SCHIP1: variants seen among roughly 807,000 people sequenced by gnomAD.
SCHIP1 encodes schwannomin-interacting protein 1.
In SCHIP1, 8 loss-of-function variants were observed where a neutral mutation model predicts 29.7. The observed-to-expected ratio is 0.27, with a 90% CI of 0.16 to 0.49. SCHIP1 has a LOEUF of 0.49. SCHIP1 is among the 20% of genes least tolerant of loss of function. The pLI is 0.99. For missense variants in SCHIP1, 193 were observed against 294.6 expected, an observed-to-expected ratio of 0.66 and a Z score of 2.52; for synonymous variants, 76 against 94.9, an observed-to-expected ratio of 0.80 and a Z score of 1.16.
the SCHIP1 span, among the ~76,000 whole-genome samples, chr3:159,783,479 A>C: frequency 2.6e-4 from 39 of 152,360 alleles, no homozygotes; most frequent in Admixed American, 2.4e-3. Flanking sequence ...CTGAGTCTGC[A>C]CTTCATTTGT....
the SCHIP1 span, among the ~76,000 whole-genome samples, chr3:159,535,448 G>C: frequency 2.4e-4 from 36 of 152,294 alleles, 4 homozygotes; most frequent in South Asian, 5.2e-3. Flanking sequence ...CATCAGCCTT[G>C]AGGGCTGGTC....
At chr3:159,390,731 A>G in the SCHIP1 span, among the ~76,000 whole-genome samples, 1 of 152,184 alleles carries the variant, frequency 6.6e-6, no homozygotes, top group Non-Finnish European at 1.5e-5. Flanking sequence ...TGTTCTATCC[A>G]TTTGGCCACA....
At chr3:159,537,623 T>C in the SCHIP1 span, among the ~76,000 whole-genome samples, 1 of 152,164 alleles carries the variant, frequency 6.6e-6, no homozygotes, top group Non-Finnish European at 1.5e-5. Context: ...CTAAACTTTC[T>C]GGTCTGAATA....
the SCHIP1 span, among the ~76,000 whole-genome samples, chr3:159,276,005 G>C: frequency 6.6e-6 from 1 of 152,114 alleles, no homozygotes; most frequent in Non-Finnish European, 1.5e-5. Flanking sequence ...AAGAATGTAG[G>C]GGCATATTTA....
At chr3:159,887,597 G>A in intron 3 of SCHIP1, 111 bp from the exon 5 acceptor site, 1 of 1,179,144 alleles carries the variant, frequency 8.5e-7, no homozygotes, top group Non-Finnish European at 1.2e-6. Flanking sequence ...CATTGAGGGA[G>A]GGAACTCTGA....
the SCHIP1 span, among the ~76,000 whole-genome samples, chr3:159,475,864 T>C: frequency 6.6e-6 from 1 of 152,136 alleles, no homozygotes; most frequent in Admixed American, 6.6e-5. Flanking sequence ...GCAAAAGTTA[T>C]GGCAGGAGTT....
At chr3:159,290,345 G>C in the SCHIP1 span, among the ~76,000 whole-genome samples, 2 of 152,008 alleles carry the variant, frequency 1.3e-5, no homozygotes, top group Admixed American at 1.3e-4. Context: ...GTATGTTTTT[G>C]TTTGCCAAAA....
chr3:159,873,662 G>C (rs537889652), intron 2 of SCHIP1, among the ~76,000 whole-genome samples: 1 of 152,172 alleles, frequency 6.6e-6, no homozygotes, highest in Non-Finnish European at 1.5e-5. Flanking sequence ...GTGGCAAGTA[G>C]AGTGTCATTT....
the SCHIP1 span, among the ~76,000 whole-genome samples, chr3:159,555,476 G>A: frequency 6.6e-6 from 1 of 152,140 alleles, no homozygotes; most frequent in African/African-American, 2.4e-5. Flanking sequence ...CAGTATGTGG[G>A]AACTGAGCAT....
the SCHIP1 span, among the ~76,000 whole-genome samples, chr3:159,776,221 TA>T: frequency 5.9e-5 from 9 of 152,322 alleles, no homozygotes; most frequent in East Asian, 1.7e-3. Flanking sequence ...TTACCCTACT[TA>T]ATGAAAATTG....
the SCHIP1 span, among the ~76,000 whole-genome samples, chr3:159,493,152 A>G: frequency 6.6e-6 from 1 of 152,242 alleles, no homozygotes; most frequent in East Asian, 1.9e-4. Flanking sequence ...AAAACATGCC[A>G]AATTGTAAAG....
the SCHIP1 span, among the ~76,000 whole-genome samples, chr3:159,463,928 A>G: frequency 6.6e-6 from 1 of 152,098 alleles, no homozygotes; most frequent in Non-Finnish European, 1.5e-5. Flanking sequence ...ATAATAATCT[A>G]TTGTATGGAT....
chr3:159,787,124 T>C, the SCHIP1 span, among the ~76,000 whole-genome samples: 2 of 152,288 alleles, frequency 1.3e-5, no homozygotes, highest in African/African-American at 2.4e-5. Flanking sequence ...GATGAGAACA[T>C]TAAAACCTAG....
chr3:159,492,289 G>T, the SCHIP1 span, among the ~76,000 whole-genome samples: 1 of 152,254 alleles, frequency 6.6e-6, no homozygotes, highest in African/African-American at 2.4e-5. Context: ...GGCTTCAGAA[G>T]ATCAAACTAC....
chr3:159,769,525 G>A, the SCHIP1 span, among the ~76,000 whole-genome samples: 39 of 152,138 alleles, frequency 2.6e-4, no homozygotes, highest in African/African-American at 8.4e-4. Flanking sequence ...CAAGGCAGGC[G>A]GATCACCTGA....
the SCHIP1 span, among the ~76,000 whole-genome samples, chr3:159,751,314 T>C: frequency 3.9e-5 from 6 of 152,148 alleles, no homozygotes; most frequent in Non-Finnish European, 1.5e-5. Context: ...ACCATATGAC[T>C]CACAAAGCCA....
chr3:159,292,451 T>A, the SCHIP1 span, among the ~76,000 whole-genome samples: 1 of 152,192 alleles, frequency 6.6e-6, no homozygotes, highest in Non-Finnish European at 1.5e-5. Flanking sequence ...ATTATAATGA[T>A]ATGTGTTCTT....
the SCHIP1 span, among the ~76,000 whole-genome samples, chr3:159,376,641 TTC>T: frequency 3.3e-5 from 5 of 152,310 alleles, no homozygotes; most frequent in Admixed American, 3.3e-4. Context: ...GCACCTGTCA[TTC>T]TCTTTCATCA....
the SCHIP1 span, among the ~76,000 whole-genome samples, chr3:159,384,570 C>CTTTTTTGG: frequency 6.6e-6 from 1 of 150,788 alleles, no homozygotes; most frequent in Non-Finnish European, 1.5e-5. Flanking sequence ...CTAAAATTCT[C>CTTTTTTGG]TTTTTTGGTT....
Sources: allele counts gnomAD v4.1 joint callset (sites outside exome capture counted in the v4.1 genomes callset), GRCh38; gene constraint gnomAD v4.1.1; transcripts MANE v1.5; gene names NCBI Gene and HGNC (gene_info 2026-07-23, HGNC 2026-07-21).